PRKAA2: variants seen among roughly 807,000 people sequenced by gnomAD.
PRKAA2 encodes the protein protein kinase AMP-activated catalytic subunit alpha 2.
In PRKAA2, 40 loss-of-function variants were observed where a neutral mutation model predicts 56.3. That is an observed-to-expected ratio of 0.71 (90% CI 0.55 to 0.92). PRKAA2 has a LOEUF of 0.92. Among genes scored for constraint, PRKAA2 ranks in the 40% least tolerant of loss-of-function variants. PRKAA2 has a pLI of 0.00. For missense variants in PRKAA2, 542 were observed against 686.9 expected (o/e 0.79, Z 2.36); for synonymous variants, 214 against 234.2 (o/e 0.91, Z 0.79).
Position 56,707,538 on chromosome 1 carries a change from T to G in PRKAA2, c.1484T>G (p.Leu495Ter), listed in dbSNP as rs1480530584. The G allele has an allele frequency of 1.9e-6, 3 of 1,614,188 alleles. No homozygotes were observed. Among genetic ancestry groups the G allele is most frequent in the Non-Finnish European group, 2.5e-6 (3 of 1,180,030 alleles). Residue 495 changes from leucine (L) to a stop codon, truncating the protein, a stop_gained, in exon 9 of 9, where the codon TTA becomes TGA. Coordinates refer to ENST00000371244, the MANE Select transcript of PRKAA2 (RefSeq NM_006252.4). LOFTEE classifies it high-confidence loss of function. The part of the protein sequence containing the change: ...TPQRSCSAAG[L>*]HRPRSSFDST... ...CAGCGTTCCTGTTCTGCTGCTGGCT[T>G]ACACAGACCAAGATCAAGTTTTGAT...
chr1:56,664,615 A>G (rs1417177672), intron 1 of PRKAA2, among the ~76,000 whole-genome samples: 1 of 152,038 alleles, frequency 6.6e-6, no homozygotes, highest in African/African-American at 2.4e-5. Context: ...CAGGACTCTT[A>G]GGAAATGCAA....
At chr1:56,670,581 G>C (rs907992701) in intron 1 of PRKAA2, among the ~76,000 whole-genome samples, 2 of 152,192 alleles carry the variant, frequency 1.3e-5, no homozygotes, top group Non-Finnish European at 2.9e-5. Flanking sequence ...TGTACGCTGG[G>C]TAGCCATGTA....
chr1:56,661,085 T>G (rs1643989909), intron 1 of PRKAA2, among the ~76,000 whole-genome samples: 1 of 152,084 alleles, frequency 6.6e-6, no homozygotes, highest in Non-Finnish European at 1.5e-5. Flanking sequence ...AGTTACGGCT[T>G]TTGACATGAA....
chr1:56,691,075 A>T (rs889145736), intron 2 of PRKAA2, among the ~76,000 whole-genome samples: 3 of 152,176 alleles, frequency 2.0e-5, no homozygotes, highest in African/African-American at 7.2e-5. Context: ...ATCTTTAAAT[A>T]TGTGATACCT....
At chr1:56,694,866 A>AT (rs1181289785) in intron 5 of PRKAA2, among the ~76,000 whole-genome samples, 3 of 152,118 alleles carry the variant, frequency 2.0e-5, no homozygotes, top group Non-Finnish European at 4.4e-5. Context: ...AACAATCACC[A>AT]TTTTTTATAT....
At chr1:56,658,453 A>G (rs896763953) in intron 1 of PRKAA2, among the ~76,000 whole-genome samples, 1 of 152,174 alleles carries the variant, frequency 6.6e-6, no homozygotes, top group African/African-American at 2.4e-5. Flanking sequence ...ACGCTTTGGG[A>G]TAAGTGTTGC....
intron 5 of PRKAA2, 106 bp from the exon 6 acceptor site, chr1:56,695,829 G>A: frequency 2.1e-6 from 2 of 973,508 alleles, no homozygotes; most frequent in Non-Finnish European, 3.1e-6. Flanking sequence ...TAAAGACCTT[G>A]GAAATGAATA....
intron 1 of PRKAA2, among the ~76,000 whole-genome samples, chr1:56,665,077 CTT>C (rs76211899): frequency 8.2e-4 from 114 of 138,848 alleles, no homozygotes; most frequent in Non-Finnish European, 9.4e-4. Flanking sequence ...TAGTTCCTAT[CTT>C]TTTTTTTTTT....
Position 56,645,340 on chromosome 1 carries a change from C to T in PRKAA2, c.-48C>T, listed in dbSNP as rs1047450929. 53 of 1,403,474 alleles carry T rather than the reference C, an allele frequency of 3.8e-5. No individual in the cohort carries two copies. The highest frequency in any genetic ancestry group is 4.9e-5 in the Non-Finnish European group (52 of 1,061,502). 86.9% of individuals were successfully genotyped at this position (1,403,474 alleles called of 1,614,324 possible). On this transcript the variant is annotated 5_prime_UTR_variant, in exon 1 of 9. Coordinates refer to ENST00000371244, the MANE Select transcript of PRKAA2 (RefSeq NM_006252.4). ...CACTGTGGGTAGGCGGCGGCGGCGG[C>T]GGCTACGCGGAGCGGCAGGCGGTGG...
intron 1 of PRKAA2, among the ~76,000 whole-genome samples, chr1:56,652,008 ATTTTTTTT>A (rs35462805): frequency 1.1e-4 from 12 of 106,528 alleles, no homozygotes; most frequent in African/African-American, 3.1e-4. Flanking sequence ...CGCCTGGCTA[ATTTTTTTT>A]TTTTTTTTTT....
At chr1:56,673,365 C>T (rs1557550033) in intron 1 of PRKAA2, among the ~76,000 whole-genome samples, 1 of 152,184 alleles carries the variant, frequency 6.6e-6, no homozygotes, top group African/African-American at 2.4e-5. Flanking sequence ...CAAAACAATA[C>T]CCTGTCTCAA....
At chr1:56,705,101 A>G (rs1644322846) in intron 7 of PRKAA2, among the ~76,000 whole-genome samples, 2 of 151,996 alleles carry the variant, frequency 1.3e-5, no homozygotes, top group Middle Eastern at 3.2e-3. Context: ...TATGCCTTTC[A>G]CTCTTGTTCT....
chr1:56,669,914 A>G (rs71511458), intron 1 of PRKAA2, among the ~76,000 whole-genome samples: 2 of 152,202 alleles, frequency 1.3e-5, no homozygotes, highest in African/African-American at 4.8e-5. Flanking sequence ...AATCAGTTTA[A>G]TTCCTTCTGT....
intron 6 of PRKAA2, among the ~76,000 whole-genome samples, chr1:56,697,807 T>G (rs1644268603): frequency 6.7e-6 from 1 of 149,370 alleles, no homozygotes; most frequent in East Asian, 2.0e-4. Flanking sequence ...TATTAAAATT[T>G]TTTTTTTATT....
chr1:56,705,184 G>C (rs781042596), intron 7 of PRKAA2, among the ~76,000 whole-genome samples: 1 of 151,978 alleles, frequency 6.6e-6, no homozygotes. Flanking sequence ...TGCATTTGAC[G>C]TGTTCAAATA....
intron 2 of PRKAA2, among the ~76,000 whole-genome samples, chr1:56,686,263 A>G (rs1387746002): frequency 6.6e-6 from 1 of 152,218 alleles, no homozygotes; most frequent in Non-Finnish European, 1.5e-5. Context: ...TAAATCCACC[A>G]GTTTTCTAAA....
In PRKAA2 at chr1:56,677,663, T is replaced by C. The variant is rs1442260604; in HGVS notation, c.236+3141T>C. ...GGATTCTAAGGCTTCTTTTCCTTTT[T>C]TTTTTTTTTTTTTAACAGAGCCTAG... On this transcript the variant is annotated intron_variant, in intron 2 of 8. Coordinates refer to ENST00000371244, the MANE Select transcript of PRKAA2 (RefSeq NM_006252.4). Among the ~76,000 whole-genome samples the C allele has an allele frequency of 4.1e-5, 6 of 147,482 alleles. No individual in the cohort carries two copies. The Admixed American group carries it at 4.1e-4, about 10-fold the overall frequency.
At chr1:56,655,413 CTT>C (rs10710505) in intron 1 of PRKAA2, among the ~76,000 whole-genome samples, 48,871 of 139,714 alleles carry the variant, frequency 0.35, 8,513 homozygotes, top group Admixed American at 0.48. Context: ...CCATGCCCAG[CTT>C]TTTTTTTTTT....
At chr1:56,704,565 C>A in intron 7 of PRKAA2, 90 bp downstream of exon 7, 1 of 1,413,446 alleles carries the variant, frequency 7.1e-7, no homozygotes, top group South Asian at 1.4e-5. Flanking sequence ...GTATTAAGCC[C>A]AACTTTTTCT....
Sources: allele counts gnomAD v4.1 joint callset (sites outside exome capture counted in the v4.1 genomes callset), GRCh38; gene constraint gnomAD v4.1.1; transcripts MANE v1.5; gene names NCBI Gene and HGNC (gene_info 2026-07-23, HGNC 2026-07-21).